The following NOTCH2 variants were observed in gnomAD, a reference collection of about 807,000 sequenced individuals.
NOTCH2 encodes notch receptor 2.
In NOTCH2, 29 loss-of-function variants were observed where a neutral mutation model predicts 235.8. The ratio of observed to expected loss-of-function variants is 0.12; its 90% CI spans 0.09 to 0.17. The LOEUF (loss-of-function observed/expected upper bound fraction) is 0.17, where lower values mean the gene tolerates loss of function less well. Ranked by LOEUF, NOTCH2 falls within the 10% of genes least tolerant of loss-of-function variation. NOTCH2 has a pLI of 1.00. For synonymous variants in NOTCH2, 1,086 were observed against 1,141.5 expected (o/e 0.95, Z 0.98); for missense variants, 2,285 against 3,150.2 (o/e 0.73, Z 6.57).
chr1:120,039,443 C>T (rs1265566086), intron 1 of NOTCH2, among the ~76,000 whole-genome samples: 28 of 146,148 alleles, frequency 1.9e-4, no homozygotes, highest in Non-Finnish European at 3.7e-4. Flanking sequence ...GAGTCTCGCT[C>T]TGTCGCCCAG....
intron 17 of NOTCH2, among the ~76,000 whole-genome samples, chr1:119,944,222 C>A (rs1246002311): frequency 6.6e-6 from 1 of 151,848 alleles, no homozygotes; most frequent in East Asian, 1.9e-4. Flanking sequence ...TCAGTAAACT[C>A]CAAACAGAAG....
Position 119,915,765 on chromosome 1 carries a change from C to G in NOTCH2, c.6957G>C (p.Ala2319=), listed in dbSNP as rs369891453. ...LIPKGSIAQP[A]GAPQPQSTCP... is the part of the protein sequence containing the mutation. The stretch of plus-strand genomic sequence containing the variant: ...AGGTGGACTGAGGCTGGGGAGCCCC[C>G]GCTGGTTGGGCAATACTGCCTTTAG... The change falls in exon 34 of 34, where the codon GCG becomes GCC. Residue 2319 remains alanine (A), a synonymous_variant. Transcript: ENST00000256646. 6.2e-7 allele frequency: 1 copy of G among 1,608,108 alleles called. No homozygotes were observed. Among genetic ancestry groups the G allele is most frequent in the South Asian group, 1.1e-5 (1 of 90,632 alleles).
At chr1:120,027,496 A>G (rs1553210157) in intron 2 of NOTCH2, among the ~76,000 whole-genome samples, 1 of 149,424 alleles carries the variant, frequency 6.7e-6, no homozygotes, top group East Asian at 2.0e-4. Context: ...TTTGGGATAC[A>G]TGTGCAGAAT....
chr1:119,919,254 T>G (rs1296397812), intron 31 of NOTCH2, 58 bp downstream of exon 31: 1 of 1,504,236 alleles, frequency 6.6e-7, no homozygotes, highest in African/African-American at 1.4e-5. Flanking sequence ...TTAAAAACGA[T>G]AAAACATTAT....
At position 119,915,908 on chromosome 1, in the gene NOTCH2, G is replaced by A. The variant is rs2101142983; in HGVS notation, c.6814C>T (p.Leu2272=). Residue 2272 remains leucine, a synonymous_variant, in exon 34 of 34, where the codon CTG becomes TTG. Coordinates refer to ENST00000256646, the MANE Select transcript of NOTCH2 (RefSeq NM_024408.4). ...GGATGGGTGCCCTCAGCTGGAGCCA[G>A]GACCATACCAAACATCTCATTGTAC... The part of the protein sequence containing the change: ...TQYNEMFGMV[L]APAEGTHPGI... The A allele has an allele frequency of 1.2e-6, 2 of 1,614,192 alleles. No individual in the cohort carries two copies. Among genetic ancestry groups the A allele is most frequent in the Non-Finnish European group, 1.7e-6 (2 of 1,180,038 alleles).
chr1:119,959,553 AAGGC>A, intron 11 of NOTCH2, 51 bp from the exon 12 acceptor site: 12 of 989,346 alleles, frequency 1.2e-5, no homozygotes, highest in East Asian at 2.4e-5. Context: ...CAGAAATACT[AAGGC>A]TTTCTGCTTG....
intron 15 of NOTCH2, among the ~76,000 whole-genome samples, chr1:119,949,435 G>A (rs1418950953): frequency 1.4e-5 from 2 of 139,232 alleles, no homozygotes; most frequent in Non-Finnish European, 3.0e-5. Context: ...CTCTCAGGCT[G>A]GAGTGCAGTG....
At chr1:120,064,844 CA>C (rs368878732) in intron 1 of NOTCH2, among the ~76,000 whole-genome samples, 92 of 149,102 alleles carry the variant, frequency 6.2e-4, no homozygotes, top group Non-Finnish European at 1.0e-3. Context: ...AAAAAAATCT[CA>C]AAAAAAATTA....
chr1:119,930,163 G>A (rs1649607659), intron 22 of NOTCH2, among the ~76,000 whole-genome samples: 3 of 152,162 alleles, frequency 2.0e-5, no homozygotes, highest in Middle Eastern at 3.2e-3. Flanking sequence ...CCACTGTTAA[G>A]TGACCCATGA....
intron 2 of NOTCH2, among the ~76,000 whole-genome samples, chr1:120,006,763 G>A (rs1407199226): frequency 7.9e-5 from 12 of 151,980 alleles, no homozygotes; most frequent in African/African-American, 2.9e-4. Context: ...TCAAAAACCA[G>A]CTCTTCTGTG....
At chr1:119,951,481 C>G (rs1224198388) in intron 14 of NOTCH2, among the ~76,000 whole-genome samples, 1 of 152,082 alleles carries the variant, frequency 6.6e-6, no homozygotes, top group Non-Finnish European at 1.5e-5. Context: ...AACATAAGCT[C>G]TTTGTATATA....
At chr1:119,964,308 G>A (rs1651057827) in intron 10 of NOTCH2, among the ~76,000 whole-genome samples, 2 of 152,232 alleles carry the variant, frequency 1.3e-5, no homozygotes, top group East Asian at 3.9e-4. Flanking sequence ...TGAATAAAAT[G>A]AATGAACCTG....
chr1:119,940,310 C>T (rs1282010860), intron 19 of NOTCH2, among the ~76,000 whole-genome samples: 9 of 152,030 alleles, frequency 5.9e-5, no homozygotes, highest in African/African-American at 1.9e-4. Flanking sequence ...GTTTATTTCC[C>T]ACATGTATTT....
At chr1:119,937,592 C>T (rs587609933) in intron 20 of NOTCH2, 126 bp from the exon 21 acceptor site, 2 of 947,090 alleles carry the variant, frequency 2.1e-6, no homozygotes, top group Admixed American at 4.0e-5. Flanking sequence ...CAGTTCTTCA[C>T]AACCCTCAGT....
At chr1:119,954,522 C>T (rs1277399509) in intron 13 of NOTCH2, among the ~76,000 whole-genome samples, 2 of 152,148 alleles carry the variant, frequency 1.3e-5, no homozygotes, top group African/African-American at 4.8e-5. Context: ...CCTAAGGTCA[C>T]TCTATGATTC....
chr1:120,004,797 G>A (rs587657981), intron 3 of NOTCH2, among the ~76,000 whole-genome samples: 1 of 151,906 alleles, frequency 6.6e-6, no homozygotes, highest in African/African-American at 2.4e-5. Context: ...TTTTGAGACA[G>A]GGTCTCACTC....
At position 119,915,361 on chromosome 1, in the gene NOTCH2, C is replaced by A. The variant is rs1311544447; in HGVS notation, c.7361G>T (p.Gly2454Val). ...TGGCTCAGACATGTGTGTCCCAGGT[C>A]CCCGCTGACCTCCTCCAGCACCCCC... ...TPGGAGGGQR[G>V]PGTHMSEPPH... The change falls in exon 34 of 34, where the codon GGA (glycine) becomes GTA (valine). Residue 2454 changes from glycine to valine, a missense_variant. Physicochemically the swap from Gly to Val is moderately radical, Grantham distance 109. Around this residue, in one of 6 missense-constraint regions of NOTCH2, gnomAD observed 504 missense variants for 538.0 expected, o/e 0.94. Coordinates refer to ENST00000256646, the MANE Select transcript of NOTCH2 (RefSeq NM_024408.4). 1.2e-6 allele frequency: 2 copies of A among 1,614,150 alleles called. No homozygotes were observed. Among genetic ancestry groups the A allele is most frequent in the Non-Finnish European group, 1.7e-6 (2 of 1,180,042 alleles).
intron 7 of NOTCH2, 130 bp downstream of exon 7, chr1:119,967,947 G>A (rs782737114): frequency 2.0e-6 from 2 of 1,001,756 alleles, no homozygotes; most frequent in Non-Finnish European, 3.1e-6. Flanking sequence ...TGTAAACACT[G>A]GCCATGTAGC....
intron 1 of NOTCH2, among the ~76,000 whole-genome samples, chr1:120,047,598 C>T (rs1191670859): frequency 4.8e-5 from 6 of 125,358 alleles, no homozygotes; most frequent in Non-Finnish European, 8.2e-5. Flanking sequence ...GCAGGAGAAT[C>T]GCTTGAGCCT....
Sources: allele counts gnomAD v4.1 joint callset (sites outside exome capture counted in the v4.1 genomes callset), GRCh38; gene constraint gnomAD v4.1.1; regional missense constraint gnomAD v4.1.1; transcripts MANE v1.5; gene names NCBI Gene and HGNC (gene_info 2026-07-23, HGNC 2026-07-21).